PIK3R6: variants seen among roughly 807,000 people sequenced by gnomAD.
PIK3R6 encodes the protein phosphoinositide-3-kinase regulatory subunit 6.
A neutral mutation model predicts 84.9 loss-of-function variants in PIK3R6; 91 were observed. The observed-to-expected ratio is 1.07, with a 90% CI of 0.90 to 1.28. The LOEUF is 1.28. Ranked by LOEUF, PIK3R6 falls within the 50% of genes most tolerant of loss-of-function variation. PIK3R6 has a pLI of 0.00. For synonymous variants in PIK3R6, 416 were observed against 411.4 expected, an observed-to-expected ratio of 1.01 and a Z score of -0.13; for missense variants, 996 against 985.1, an observed-to-expected ratio of 1.01 and a Z score of -0.15.
At chr17:8,856,833 T>C (rs1292932664) in intron 1 of PIK3R6, among the ~76,000 whole-genome samples, 4 of 151,810 alleles carry the variant, frequency 2.6e-5, no homozygotes, top group Admixed American at 6.6e-5. Flanking sequence ...CCTTATTTTT[T>C]ACTGTGTAAC....
Position 8,819,163 on chromosome 17 carries a change from G to C in PIK3R6, c.1915C>G (p.Pro639Ala), listed in dbSNP as rs529329709. Residue 639 changes from proline to alanine, a missense_variant, in exon 18 of 20, where the codon CCT (proline) becomes GCT (alanine). Physicochemically the swap from Pro to Ala is conservative, Grantham distance 27 (BLOSUM62 -1). Transcript: ENST00000619866. ...TTCAGACATGTGTGGTCTGTGACAGGAGCAGCAGGCAGGGGGCAATGGCTA... is the reference window on the plus strand; with the variant it reads ...TTCAGACATGTGTGGTCTGTGACAGCAGCAGCAGGCAGGGGGCAATGGCTA... ...GSSHCPLPAA[P>A]VTDHTCLNVN... is the part of the protein sequence containing the mutation. 6.2e-7 allele frequency: 1 copy of C among 1,610,568 alleles called. No homozygotes were observed. Among genetic ancestry groups the C allele is most frequent in the Non-Finnish European group, 8.5e-7 (1 of 1,178,274 alleles).
rs2087789300 is a variant in PIK3R6 at position 8,822,918 on chromosome 17, C to T, written c.1717+78G>A. ...GAGGGTGTGGGCGTGCAGGCATCAT[C>T]AGGTGAGAGGTGGAAGGATGAGAGT... On this transcript the variant is annotated intron_variant, in intron 15 of 19. Transcript: ENST00000619866. 5.7e-6 allele frequency: 7 copies of T among 1,220,476 alleles called. No homozygotes were observed. The Admixed American group carries it at 1.2e-4, about 21-fold the overall frequency. 75.6% of individuals were successfully genotyped at this position (1,220,476 alleles called of 1,614,324 possible). A position where few individuals can be genotyped will look rare whatever the true frequency, so the allele number is the denominator to read the frequency against.
rs777707191 is a variant in PIK3R6, at chr17:8,862,545, C to T, written c.-92+4984G>A. Reference sequence around the variant, plus strand: ...AGGACATTGTGCCTCACTGACCTGGCAGCTACCTCTGTCACCTGGGGGTGG... The same window carrying T: ...AGGACATTGTGCCTCACTGACCTGGTAGCTACCTCTGTCACCTGGGGGTGG... On this transcript the variant is annotated intron_variant, in intron 1 of 19. Coordinates refer to ENST00000619866, the MANE Select transcript of PIK3R6 (RefSeq NM_001010855.4). This position sits in a 1 kb window ranked among gnomAD's most constrained non-coding sequence, Gnocchi z 4.3. Among the ~76,000 whole-genome samples the T allele has an allele frequency of 8.5e-5, 13 of 152,142 alleles. No homozygotes were observed. The highest frequency in any genetic ancestry group is 1.2e-4 in the African/African-American group (5 of 41,410).
chr17:8,833,104 C>T (rs438411), intron 8 of PIK3R6, 59 bp from the exon 9 acceptor site: 1 of 1,484,528 alleles, frequency 6.7e-7, no homozygotes, highest in Non-Finnish European at 8.9e-7. Context: ...ACCCCAGCTC[C>T]TAAGCCAAGT....
chr17:8,852,701 T>C (rs982061481), intron 1 of PIK3R6, among the ~76,000 whole-genome samples: 2 of 147,028 alleles, frequency 1.4e-5, no homozygotes, highest in African/African-American at 2.6e-5. Flanking sequence ...ATGTCGCTAC[T>C]GCACTCCAGC....
At chr17:8,861,154 C>T (rs181735465) in intron 1 of PIK3R6, among the ~76,000 whole-genome samples, 15 of 149,080 alleles carry the variant, frequency 1.0e-4, no homozygotes, top group Admixed American at 7.4e-4. Context: ...TGCACTCCAG[C>T]CTGGGTGACA....
intron 2 of PIK3R6, among the ~76,000 whole-genome samples, chr17:8,840,841 C>T (rs1284747197): frequency 1.3e-5 from 2 of 151,738 alleles, no homozygotes; most frequent in African/African-American, 2.4e-5. Context: ...CAATCTCCGC[C>T]TCCTGGGTTC....
At chr17:8,861,020 C>A (rs944563960) in intron 1 of PIK3R6, among the ~76,000 whole-genome samples, 4 of 151,984 alleles carry the variant, frequency 2.6e-5, no homozygotes, top group Non-Finnish European at 4.4e-5. Context: ...CATGGTGAAA[C>A]CCCGTCTCTA....
At chr17:8,806,131 GCTGGGGGAGGGTGGGCGAAAGCCA>G (rs1391611208) in intron 18 of PIK3R6, among the ~76,000 whole-genome samples, 1 of 152,206 alleles carries the variant, frequency 6.6e-6, no homozygotes, top group East Asian at 1.9e-4. Flanking sequence ...TCCTGCATGA[GCTGGGGGAGGGTGGGCGAAAGCCA>G]GGTACGTTCT....
rs1049522860 is a variant in PIK3R6 at position 8,819,843 on chromosome 17, T to C, written c.1880-645A>G. On this transcript the variant is annotated intron_variant, in intron 17 of 19. Transcript: ENST00000619866. Reference sequence around the variant, plus strand: ...ATATATACGTATATACACACACATATATATGTATATATAGACACACATATA... The same window carrying C: ...ATATATACGTATATACACACACATACATATGTATATATAGACACACATATA... 6.2e-4 allele frequency among the ~76,000 whole-genome samples: 91 copies of C among 146,628 alleles called. 1 individual carries two copies. Among genetic ancestry groups the C allele is most frequent in the African/African-American group, 2.1e-3 (83 of 40,124 alleles).
intron 9 of PIK3R6, 105 bp from the exon 10 acceptor site, chr17:8,829,897 G>T: frequency 1.2e-6 from 1 of 840,832 alleles, no homozygotes; most frequent in Non-Finnish European, 1.8e-6. Context: ...AGAGGTGGCA[G>T]GGACTCTCTC....
intron 9 of PIK3R6, among the ~76,000 whole-genome samples, chr17:8,832,132 G>T (rs2088262542): frequency 6.6e-6 from 1 of 152,170 alleles, no homozygotes; most frequent in Non-Finnish European, 1.5e-5. Flanking sequence ...TTGTATCTTG[G>T]CTTTGCCATT....
intron 2 of PIK3R6, among the ~76,000 whole-genome samples, chr17:8,843,201 G>C (rs1451747852): frequency 2.0e-5 from 3 of 152,188 alleles, no homozygotes; most frequent in African/African-American, 7.2e-5. Context: ...TTTCCACCTT[G>C]CATGAAGATT....
intron 13 of PIK3R6, among the ~76,000 whole-genome samples, chr17:8,825,496 T>G (rs1597394118): frequency 6.6e-6 from 1 of 152,210 alleles, no homozygotes; most frequent in South Asian, 2.1e-4. Flanking sequence ...TACAAGCACA[T>G]GTAAGGATCA....
chr17:8,832,477 G>C (rs2088278422), intron 9 of PIK3R6, among the ~76,000 whole-genome samples: 1 of 143,538 alleles, frequency 7.0e-6, no homozygotes. Context: ...CCGCCTCCCT[G>C]GTTCAAGTGA....
intron 8 of PIK3R6, among the ~76,000 whole-genome samples, chr17:8,833,954 G>A (rs2088355677): frequency 6.6e-6 from 1 of 151,600 alleles, no homozygotes; most frequent in South Asian, 2.1e-4. Flanking sequence ...GGATCACGAG[G>A]TCAGGAGATG....
At chr17:8,836,479 G>A in intron 7 of PIK3R6, 68 bp downstream of exon 7, 1 of 1,542,108 alleles carries the variant, frequency 6.5e-7, no homozygotes. Flanking sequence ...CCTCCTGCCA[G>A]GGAGCAGTCA....
At chr17:8,849,362 C>T (rs1220578108) in intron 2 of PIK3R6, among the ~76,000 whole-genome samples, 1 of 152,224 alleles carries the variant, frequency 6.6e-6, no homozygotes, top group Non-Finnish European at 1.5e-5. Flanking sequence ...AGTACCTGCC[C>T]CTGGCATGCC....
At chr17:8,827,109 C>T in intron 13 of PIK3R6, 63 bp downstream of exon 13, 2 of 1,562,850 alleles carry the variant, frequency 1.3e-6, no homozygotes, top group East Asian at 4.6e-5. Context: ...CCTCCGTTCT[C>T]CCCTCTGCCC....
Sources: allele counts gnomAD v4.1 joint callset (sites outside exome capture counted in the v4.1 genomes callset), GRCh38; gene constraint gnomAD v4.1.1; non-coding constraint Gnocchi (gnomAD v3.1); transcripts MANE v1.5; gene names NCBI Gene and HGNC (gene_info 2026-07-23, HGNC 2026-07-21).